Variants in DDX46 observed in about 807,000 individuals in gnomAD.
DDX46 encodes DEAD-box helicase 46, also known as probable ATP-dependent RNA helicase DDX46.
In DDX46, 30 loss-of-function variants were observed where a neutral mutation model predicts 134.9. The ratio of observed to expected loss-of-function variants is 0.22; its 90% CI spans 0.17 to 0.30. The LOEUF is 0.30. DDX46 is among the 10% of genes least tolerant of loss of function. The pLI is 1.00. For synonymous variants in DDX46, 415 were observed against 404.1 expected, an observed-to-expected ratio of 1.03 and a Z score of -0.32; for missense variants, 622 against 1,248.7, an observed-to-expected ratio of 0.50 and a Z score of 7.56.
chr5:134,806,193 A>G (rs1033015378), intron 15 of DDX46, among the ~76,000 whole-genome samples: 1 of 151,158 alleles, frequency 6.6e-6, no homozygotes, highest in Non-Finnish European at 1.5e-5. Flanking sequence ...CCTGGGCAAC[A>G]TGAGTGAAAC....
chr5:134,809,233 C>T (rs978633455), intron 16 of DDX46, among the ~76,000 whole-genome samples: 2 of 152,174 alleles, frequency 1.3e-5, no homozygotes, highest in African/African-American at 4.8e-5. Context: ...TCTTCTCTTT[C>T]TCTCTCCTTC....
At chr5:134,827,146 C>T in intron 22 of DDX46, 126 bp downstream of exon 22, 1 of 853,944 alleles carries the variant, frequency 1.2e-6, no homozygotes, top group Non-Finnish European at 1.8e-6. Context: ...AATAAGCATA[C>T]CAGTGTAGTC....
chr5:134,810,631 A>G (rs1451126787), intron 16 of DDX46, among the ~76,000 whole-genome samples: 1 of 149,782 alleles, frequency 6.7e-6, no homozygotes, highest in Non-Finnish European at 1.5e-5. Flanking sequence ...GGCGTGAGCC[A>G]CTGCGTCCAG....
chr5:134,779,039 G>C (rs1405640119), intron 6 of DDX46, among the ~76,000 whole-genome samples: 1 of 151,874 alleles, frequency 6.6e-6, no homozygotes, highest in African/African-American at 2.4e-5. Flanking sequence ...TGGGATTACA[G>C]GCCCTTGCCA....
chr5:134,759,257 C>T (rs1027904045), intron 1 of DDX46, among the ~76,000 whole-genome samples: 1 of 152,246 alleles, frequency 6.6e-6, no homozygotes, highest in Non-Finnish European at 1.5e-5. Context: ...CTGATTACTT[C>T]AGTCAGAAGT....
rs1753598060 is a variant in DDX46, at chr5:134,767,131, T to C, written c.350+71T>C. The C allele has an allele frequency of 6.7e-6, 10 of 1,499,560 alleles. No homozygotes were observed. The South Asian group carries it at 1.4e-4, about 21-fold the overall frequency. The allele number at this position is 1,499,560 out of a possible 1,614,324, so 92.9% of individuals were successfully genotyped here. On this transcript the variant is annotated intron_variant, in intron 3 of 22. Coordinates refer to ENST00000452510, the MANE Select transcript of DDX46 (RefSeq NM_001300860.2). ...CTTCCCTTCTCTGCGCCTTTTTTTT[T>C]TTTCCCTGTAAGTTTGTATTTATAG...
chr5:134,782,220 A>C, intron 8 of DDX46, 134 bp downstream of exon 8: 1 of 1,027,966 alleles, frequency 9.7e-7, no homozygotes. Flanking sequence ...ATCAAAAATT[A>C]ATTGGCCAGC....
At chr5:134,782,620 C>A (rs906140242) in intron 8 of DDX46, among the ~76,000 whole-genome samples, 1 of 152,016 alleles carries the variant, frequency 6.6e-6, no homozygotes, top group Admixed American at 6.6e-5. Flanking sequence ...TACCACACCC[C>A]CCGTTCCCAC....
chr5:134,809,897 G>A (rs1580812222), intron 16 of DDX46, among the ~76,000 whole-genome samples: 2 of 151,932 alleles, frequency 1.3e-5, no homozygotes, highest in Admixed American at 6.6e-5. Flanking sequence ...CCTGTAATCC[G>A]AGCTACTCGG....
At chr5:134,771,430 C>T (rs1753765259) in intron 4 of DDX46, among the ~76,000 whole-genome samples, 1 of 138,532 alleles carries the variant, frequency 7.2e-6, no homozygotes, top group Non-Finnish European at 1.6e-5. Context: ...CGGTGGCTCA[C>T]GCCTGTAATC....
intron 15 of DDX46, among the ~76,000 whole-genome samples, chr5:134,803,221 T>G (rs1477680080): frequency 6.6e-6 from 1 of 152,162 alleles, no homozygotes; most frequent in Non-Finnish European, 1.5e-5. Context: ...CTGGAACTCC[T>G]GACCTCAGGT....
intron 7 of DDX46, among the ~76,000 whole-genome samples, 166 bp from the exon 8 acceptor site, chr5:134,781,755 G>GT (rs1754161909): frequency 6.6e-6 from 1 of 152,190 alleles, no homozygotes; most frequent in African/African-American, 2.4e-5. Context: ...AGGTTTAAGT[G>GT]TGCTGGAGCA....
chr5:134,769,703 A>C (rs1753700045), intron 3 of DDX46, among the ~76,000 whole-genome samples: 1 of 151,356 alleles, frequency 6.6e-6, no homozygotes, highest in Non-Finnish European at 1.5e-5. Flanking sequence ...CCTGCCACCA[A>C]GCCCGGCTAA....
intron 5 of DDX46, among the ~76,000 whole-genome samples, chr5:134,776,481 G>T (rs1437199292): frequency 6.6e-6 from 1 of 152,088 alleles, no homozygotes; most frequent in Non-Finnish European, 1.5e-5. Flanking sequence ...CATCCTTGTT[G>T]TCTTCACATT....
chr5:134,823,531 G>A (rs539012372), intron 21 of DDX46, among the ~76,000 whole-genome samples: 1 of 152,300 alleles, frequency 6.6e-6, no homozygotes. Context: ...CAAAGGATGT[G>A]TGGCCAGAAC....
Position 134,781,171 on chromosome 5 carries a change from G to T in DDX46, c.804G>T (p.Val268=). The change falls in exon 7 of 23, where the codon GTG becomes GTT. Residue 268 remains valine (V), a synonymous_variant. Transcript: ENST00000452510. ...CGGTCACAAAAGTTGTCACTGTTGTGACAACCAAAAAAGCAGTTGTGGATT... is the reference window on the plus strand; with the variant it reads ...CGGTCACAAAAGTTGTCACTGTTGTTACAACCAAAAAAGCAGTTGTGGATT... The part of the protein sequence containing the change: ...GPTVTKVVTV[V]TTKKAVVDSD... 1 of 1,601,252 alleles carries T rather than the reference G, an allele frequency of 6.2e-7. No individual in the cohort carries two copies. The highest frequency in any genetic ancestry group is 1.1e-5 in the South Asian group (1 of 87,768).
chr5:134,818,073 G>T (rs935184562), intron 20 of DDX46, among the ~76,000 whole-genome samples: 12 of 150,910 alleles, frequency 8.0e-5, no homozygotes, highest in Non-Finnish European at 1.5e-4. Context: ...CCTCAGCCTC[G>T]CGAGTAGCTG....
At chr5:134,820,864 C>CTTTTTTTTTTTT (rs1180909732) in intron 21 of DDX46, among the ~76,000 whole-genome samples, 5 of 123,226 alleles carry the variant, frequency 4.1e-5, no homozygotes, top group African/African-American at 6.2e-5. Context: ...CTTTTCTTTT[C>CTTTTTTTTTTTT]TTTTTTTTTT....
At chr5:134,759,012 G>C in intron 1 of DDX46, 57 bp downstream of exon 1, 2 of 1,599,684 alleles carry the variant, frequency 1.3e-6, no homozygotes, top group South Asian at 1.1e-5. Context: ...GTCGTGAGAA[G>C]AGGCGGGAGT....
Sources: allele counts gnomAD v4.1 joint callset (sites outside exome capture counted in the v4.1 genomes callset), GRCh38; gene constraint gnomAD v4.1.1; transcripts MANE v1.5; gene names NCBI Gene and HGNC (gene_info 2026-07-23, HGNC 2026-07-21).